Variants in ADAMTSL3 observed in about 807,000 individuals in gnomAD.
ADAMTSL3 encodes ADAMTS like 3.
In ADAMTSL3, 128 loss-of-function variants were observed where a neutral mutation model predicts 201.7. The observed-to-expected ratio is 0.63, with a 90% CI of 0.55 to 0.73. The LOEUF (loss-of-function observed/expected upper bound fraction) is 0.73, where lower values mean the gene tolerates loss of function less well. Among genes scored for constraint, ADAMTSL3 ranks in the 30% least tolerant of loss-of-function variants. ADAMTSL3 has a pLI of 0.00. For synonymous variants in ADAMTSL3, 738 were observed against 748.4 expected, an observed-to-expected ratio of 0.99 and a Z score of 0.23; for missense variants, 1,990 against 2,119.6, an observed-to-expected ratio of 0.94 and a Z score of 1.20.
intron 19 of ADAMTSL3, among the ~76,000 whole-genome samples, chr15:83,948,445 C>G (rs1220145562): frequency 1.4e-5 from 2 of 146,682 alleles, no homozygotes; most frequent in Middle Eastern, 3.5e-3. Flanking sequence ...CACACACACA[C>G]AGAGTTATGA....
intron 15 of ADAMTSL3, among the ~76,000 whole-genome samples, chr15:83,903,334 C>A (rs1005416133): frequency 1.3e-5 from 2 of 149,202 alleles, no homozygotes; most frequent in Non-Finnish European, 3.0e-5. Context: ...GCATTAAGCA[C>A]ACTCACATTG....
rs372589389 is a variant in ADAMTSL3, at chr15:83,838,231, A to G, written c.727+16A>G. On this transcript the variant is annotated intron_variant, in intron 7 of 29. Transcript: ENST00000286744. ...CCTGAAAAAAGTAGGTTTTAAACCC[A>G]ATACGTTATTACCATCATACAAGAT... 3 of 1,610,358 alleles carry G rather than the reference A, an allele frequency of 1.9e-6. No individual in the cohort carries two copies. Among genetic ancestry groups the G allele is most frequent in the Non-Finnish European group, 1.7e-6 (2 of 1,178,284 alleles).
chr15:83,793,041 G>T (rs1405699437), intron 4 of ADAMTSL3, among the ~76,000 whole-genome samples: 4 of 152,194 alleles, frequency 2.6e-5, no homozygotes, highest in African/African-American at 7.2e-5. Context: ...TGACAATGTG[G>T]ATGAACATGG....
intron 3 of ADAMTSL3, among the ~76,000 whole-genome samples, chr15:83,746,904 A>G (rs1022415011): frequency 2.6e-5 from 4 of 152,224 alleles, no homozygotes; most frequent in African/African-American, 9.7e-5. Flanking sequence ...AACTGATGGA[A>G]TAAATACTTT....
intron 15 of ADAMTSL3, among the ~76,000 whole-genome samples, chr15:83,906,108 T>G (rs1379320755): frequency 1.3e-5 from 2 of 152,208 alleles, no homozygotes; most frequent in African/African-American, 4.8e-5. Flanking sequence ...AATACTCCAG[T>G]GCCAGTACCA....
intron 9 of ADAMTSL3, among the ~76,000 whole-genome samples, chr15:83,875,207 A>C (rs565292908): frequency 6.6e-5 from 10 of 152,210 alleles, no homozygotes; most frequent in African/African-American, 2.2e-4. Context: ...GGAAGGAAGG[A>C]AGGTTGGATA....
intron 2 of ADAMTSL3, among the ~76,000 whole-genome samples, chr15:83,680,599 T>C (rs1020251444): frequency 6.6e-6 from 1 of 151,672 alleles, no homozygotes; most frequent in Admixed American, 6.6e-5. Flanking sequence ...TGTTCCCTTC[T>C]TTAAGAACAT....
At chr15:83,930,703 C>T (rs2066339574) in intron 17 of ADAMTSL3, among the ~76,000 whole-genome samples, 1 of 152,046 alleles carries the variant, frequency 6.6e-6, no homozygotes, top group African/African-American at 2.4e-5. Context: ...TTCCTCATTT[C>T]AAAGTTGCAA....
chr15:83,664,024 C>G (rs1311914233), intron 2 of ADAMTSL3, among the ~76,000 whole-genome samples: 3 of 152,204 alleles, frequency 2.0e-5, no homozygotes, highest in African/African-American at 7.2e-5. Context: ...TCCACATGCT[C>G]TCCCAGGCAG....
At chr15:83,740,644 T>C (rs2062440048) in intron 3 of ADAMTSL3, among the ~76,000 whole-genome samples, 1 of 151,728 alleles carries the variant, frequency 6.6e-6, no homozygotes, top group African/African-American at 2.4e-5. Context: ...TGCAATAGAG[T>C]AACGGCCACA....
intron 3 of ADAMTSL3, among the ~76,000 whole-genome samples, chr15:83,759,408 G>C (rs1389726380): frequency 6.6e-6 from 1 of 152,080 alleles, no homozygotes; most frequent in Non-Finnish European, 1.5e-5. Flanking sequence ...TGTATTTTTA[G>C]TAGAGACGGG....
chr15:83,909,499 C>A (rs2065896234), intron 15 of ADAMTSL3, among the ~76,000 whole-genome samples: 1 of 152,096 alleles, frequency 6.6e-6, no homozygotes, highest in African/African-American at 2.4e-5. Context: ...ATTGGATTAC[C>A]TAGGTTCTCT....
At chr15:83,933,435 G>C (rs2066398015) in intron 17 of ADAMTSL3, among the ~76,000 whole-genome samples, 1 of 152,148 alleles carries the variant, frequency 6.6e-6, no homozygotes, top group South Asian at 2.1e-4. Flanking sequence ...GCCTTAAAAA[G>C]CATTTAGTTT....
At chr15:83,970,714 C>T (rs894714709) in intron 20 of ADAMTSL3, 77 bp downstream of exon 20, 11 of 1,545,290 alleles carry the variant, frequency 7.1e-6, no homozygotes, top group South Asian at 2.4e-5. Context: ...ATTTTCCATA[C>T]GTCAACAGAT....
intron 23 of ADAMTSL3, among the ~76,000 whole-genome samples, chr15:83,993,430 C>T (rs1361191954): frequency 6.6e-6 from 1 of 152,146 alleles, no homozygotes; most frequent in Non-Finnish European, 1.5e-5. Flanking sequence ...TTTTATATTG[C>T]AAATTGGGAT....
At chr15:83,839,562 C>G (rs1460514860) in intron 7 of ADAMTSL3, among the ~76,000 whole-genome samples, 1 of 152,132 alleles carries the variant, frequency 6.6e-6, no homozygotes, top group African/African-American at 2.4e-5. Context: ...GATTACCTGT[C>G]AGATGAGCTT....
At chr15:84,021,304 C>A (rs1250082414) in intron 25 of ADAMTSL3, 106 bp from the exon 26 acceptor site, 1 of 1,285,102 alleles carries the variant, frequency 7.8e-7, no homozygotes, top group Non-Finnish European at 1.1e-6. Flanking sequence ...CCATATGCTA[C>A]TTAAAGAACC....
intron 19 of ADAMTSL3, chr15:83,945,679 A>G (rs2066641871): frequency 6.6e-6 from 1 of 152,218 alleles, no homozygotes; most frequent in African/African-American, 2.4e-5. Flanking sequence ...AGGAAGGGCC[A>G]CAATTTTGTG....
At chr15:83,988,084 A>T (rs555839470) in intron 21 of ADAMTSL3, among the ~76,000 whole-genome samples, 19 of 152,348 alleles carry the variant, frequency 1.2e-4, no homozygotes, top group African/African-American at 4.6e-4. Context: ...ACAGGATTTT[A>T]GGAATATCAG....
Sources: allele counts gnomAD v4.1 joint callset (sites outside exome capture counted in the v4.1 genomes callset), GRCh38; gene constraint gnomAD v4.1.1; transcripts MANE v1.5; gene names NCBI Gene and HGNC (gene_info 2026-07-23, HGNC 2026-07-21).